The following GALNT2 variants were observed in gnomAD, a reference collection of about 807,000 sequenced individuals.
GALNT2 encodes polypeptide N-acetylgalactosaminyltransferase 2.
Under a neutral mutation model 81.4 loss-of-function variants are expected in GALNT2, and 31 were observed. The ratio of observed to expected loss-of-function variants is 0.38; its 90% CI spans 0.29 to 0.51. GALNT2 has a LOEUF of 0.51. GALNT2 is among the 20% of genes least tolerant of loss of function. The probability of loss-of-function intolerance (pLI) is 0.87; values close to 1 mark genes in which losing one functional copy is unlikely to be tolerated. For synonymous variants in GALNT2, 303 were observed against 287.4 expected (o/e 1.05, Z -0.55); for missense variants, 629 against 765.7 (o/e 0.82, Z 2.11).
At chr1:230,093,855 G>A (rs547294879) in intron 1 of GALNT2, among the ~76,000 whole-genome samples, 1 of 152,332 alleles carries the variant, frequency 6.6e-6, no homozygotes, top group African/African-American at 2.4e-5. Flanking sequence ...GTAAGTGCAT[G>A]CTATCATGTT....
At chr1:230,083,110 A>AC (rs376762182) in intron 1 of GALNT2, among the ~76,000 whole-genome samples, 1 of 143,120 alleles carries the variant, frequency 7.0e-6, no homozygotes, top group East Asian at 2.2e-4. Flanking sequence ...TGGAGCAGGG[A>AC]GCCAGGATGA....
intron 14 of GALNT2, among the ~76,000 whole-genome samples, chr1:230,269,930 G>A (rs574101489): frequency 2.0e-5 from 3 of 152,076 alleles, no homozygotes; most frequent in Non-Finnish European, 2.9e-5. Flanking sequence ...GGCCGGGCAC[G>A]GTGGCTCACG....
At chr1:230,121,481 C>T (rs1661013992) in intron 1 of GALNT2, among the ~76,000 whole-genome samples, 1 of 152,216 alleles carries the variant, frequency 6.6e-6, no homozygotes, top group Non-Finnish European at 1.5e-5. Context: ...CCTCACTCCC[C>T]TCTTCTTTGT....
chr1:230,151,362 G>A (rs1429304728), intron 1 of GALNT2, among the ~76,000 whole-genome samples: 3 of 152,164 alleles, frequency 2.0e-5, no homozygotes, highest in Admixed American at 6.5e-5. Flanking sequence ...GATGAGGGTC[G>A]GATTGTCCAC....
In GALNT2 at chr1:230,280,294, CCCCG is replaced by C. The variant is rs1666402180; in HGVS notation, c.*837_*840del. 2 of 298,102 alleles carry C rather than the reference CCCCG, an allele frequency of 6.7e-6. No individual in the cohort carries two copies. The highest frequency in any genetic ancestry group is 4.3e-5 in the African/African-American group (2 of 46,372). 18.5% of individuals were successfully genotyped at this position (298,102 alleles called of 1,614,324 possible). On this transcript the variant is annotated 3_prime_UTR_variant, in exon 16 of 16. Transcript: ENST00000366672. Reference sequence around the variant, plus strand: ...GCTTCCTCCAGACCACCGGCCTCGGCCCCGGCATCCCTGTTGGGCGTCAGCCTGA... The same window carrying C: ...GCTTCCTCCAGACCACCGGCCTCGGCGCATCCCTGTTGGGCGTCAGCCTGA...
chr1:230,066,921 G>A (rs1179352988), upstream of GALNT2, among the ~76,000 whole-genome samples: 1 of 151,004 alleles, frequency 6.6e-6, no homozygotes, highest in Non-Finnish European at 1.5e-5. Context: ...GCGGGGCGGC[G>A]CCCAGGCCCT....
In GALNT2 at chr1:230,094,932, A is replaced by G. The variant is rs1244139360; in HGVS notation, c.126+27526A>G. The stretch of plus-strand genomic sequence containing the variant: ...CTGTGTTAGATGTGCCGTAGCTCCT[A>G]CTGAGGGTGAGGATTAATTGGAGAT... On this transcript the variant is annotated intron_variant, in intron 1 of 15. Coordinates refer to ENST00000366672, the MANE Select transcript of GALNT2 (RefSeq NM_004481.5). Among the ~76,000 whole-genome samples, 4 of 152,076 alleles carry G rather than the reference A, an allele frequency of 2.6e-5. No homozygotes were observed. The South Asian group carries it at 8.3e-4, about 32-fold the overall frequency.
chr1:230,255,134 C>T, intron 10 of GALNT2, 84 bp from the exon 11 acceptor site: 1 of 1,597,308 alleles, frequency 6.3e-7, no homozygotes, highest in Non-Finnish European at 8.6e-7. Flanking sequence ...GGTCAGGGGG[C>T]CTCTGTACCT....
chr1:230,127,471 G>A (rs903366229), intron 1 of GALNT2, among the ~76,000 whole-genome samples: 2 of 152,058 alleles, frequency 1.3e-5, no homozygotes, highest in Admixed American at 1.3e-4. Flanking sequence ...CGCCTCCTGG[G>A]TTCAAGTGAT....
At chr1:230,273,331 A>G (rs568409115) in intron 14 of GALNT2, among the ~76,000 whole-genome samples, 1 of 152,236 alleles carries the variant, frequency 6.6e-6, no homozygotes, top group South Asian at 2.1e-4. Context: ...ACAGGTGTGC[A>G]GCAGGTGGTC....
rs546653712 is a variant in GALNT2, at chr1:230,152,701, T to C, written c.127-25517T>C. On this transcript the variant is annotated intron_variant, in intron 1 of 15. Transcript: ENST00000366672. ...AAGCTATGAGAGAACTAGATAATCC[T>C]TCTCCTACACAGACTCGTGTTTTGT... 1.5e-4 allele frequency among the ~76,000 whole-genome samples: 23 copies of C among 152,346 alleles called. No homozygotes were observed. The South Asian group carries it at 4.3e-3, about 29-fold the overall frequency.
intron 2 of GALNT2, among the ~76,000 whole-genome samples, chr1:230,184,209 G>A (rs921208815): frequency 6.5e-5 from 9 of 139,180 alleles, no homozygotes; most frequent in Non-Finnish European, 1.1e-4. Flanking sequence ...TTTTTTTTGC[G>A]ACAGAGTCTC....
intron 1 of GALNT2, among the ~76,000 whole-genome samples, chr1:230,145,914 G>A (rs1365648809): frequency 3.3e-5 from 5 of 152,206 alleles, no homozygotes; most frequent in East Asian, 3.8e-4. Flanking sequence ...AAAGATGCTC[G>A]CCGCTTGCAT....
chr1:230,099,654 G>A (rs984471263), intron 1 of GALNT2, among the ~76,000 whole-genome samples: 1 of 152,236 alleles, frequency 6.6e-6, no homozygotes, highest in African/African-American at 2.4e-5. Flanking sequence ...AAGGTTTGCT[G>A]TGGCCCATTT....
intron 1 of GALNT2, among the ~76,000 whole-genome samples, chr1:230,075,121 C>CTTTTTTTTTT (rs34482749): frequency 2.7e-4 from 25 of 92,602 alleles, no homozygotes; most frequent in Non-Finnish European, 3.7e-4. Context: ...GTCTGTTTTG[C>CTTTTTTTTTT]TTTTTTTTTT....
At chr1:230,146,982 A>G (rs1661937675) in intron 1 of GALNT2, among the ~76,000 whole-genome samples, 1 of 152,176 alleles carries the variant, frequency 6.6e-6, no homozygotes, top group African/African-American at 2.4e-5. Flanking sequence ...CAGGGGACAG[A>G]CAGGAGGCAG....
chr1:230,153,249 A>T (rs1662145206), intron 1 of GALNT2, among the ~76,000 whole-genome samples: 1 of 152,152 alleles, frequency 6.6e-6, no homozygotes, highest in South Asian at 2.1e-4. Context: ...TAAATGAGAT[A>T]AAATTAAATG....
chr1:230,177,489 G>T (rs919230726), intron 1 of GALNT2, among the ~76,000 whole-genome samples: 1 of 152,236 alleles, frequency 6.6e-6, no homozygotes, highest in African/African-American at 2.4e-5. Flanking sequence ...CAGATTCCCA[G>T]TGGTGGAAAA....
chr1:230,252,136 C>T (rs1224118600), intron 10 of GALNT2, among the ~76,000 whole-genome samples: 2 of 152,258 alleles, frequency 1.3e-5, no homozygotes, highest in African/African-American at 2.4e-5. Flanking sequence ...AAGAGCTTCA[C>T]GTGAGAAGGC....
Sources: allele counts gnomAD v4.1 joint callset (sites outside exome capture counted in the v4.1 genomes callset), GRCh38; gene constraint gnomAD v4.1.1; transcripts MANE v1.5; gene names NCBI Gene and HGNC (gene_info 2026-07-23, HGNC 2026-07-21).